SPDL1: variants seen among roughly 807,000 people sequenced by gnomAD.
The protein encoded by SPDL1 is protein Spindly.
Under a neutral mutation model 79.5 loss-of-function variants are expected in SPDL1, and 85 were observed. That is an observed-to-expected ratio of 1.07 (90% CI 0.90 to 1.28). The LOEUF is 1.28. SPDL1 is among the 50% of genes most tolerant of loss of function. The pLI is 0.00. For missense variants in SPDL1, 703 were observed against 697.8 expected, an observed-to-expected ratio of 1.01 and a Z score of -0.08; for synonymous variants, 269 against 240.3, an observed-to-expected ratio of 1.12 and a Z score of -1.10.
intron 8 of SPDL1, among the ~76,000 whole-genome samples, chr5:169,597,786 C>T (rs1221176591): frequency 2.0e-5 from 3 of 152,102 alleles, no homozygotes; most frequent in African/African-American, 4.8e-5. Context: ...ATTAAGTTTA[C>T]ATAACTTTAT....
At position 169,604,135 on chromosome 5, in the gene SPDL1, T is replaced by C. The variant is rs769256707; in HGVS notation, c.1746T>C (p.Thr582=). 3 of 1,613,370 alleles carry C rather than the reference T, an allele frequency of 1.9e-6. No homozygotes were observed. Among genetic ancestry groups the C allele is most frequent in the Non-Finnish European group, 1.7e-6 (2 of 1,179,780 alleles). ...CTTCAAGCAAATTGGAAAAAGAAAC[T>C]TGTAAGAAATTACACCCTATTCTAT... ...KETSSKLEKE[T]CKKLHPILYV... The change falls in exon 12 of 12, where the codon ACT becomes ACC. Residue 582 remains threonine (T), a synonymous_variant. Coordinates refer to ENST00000265295, the MANE Select transcript of SPDL1 (RefSeq NM_017785.5).
chr5:169,590,829 G>A (rs1755237506), intron 2 of SPDL1: 1 of 583,540 alleles, frequency 1.7e-6, no homozygotes, highest in South Asian at 1.5e-5. Flanking sequence ...GAAGCAGTAA[G>A]GTATCCCTTG....
intron 1 of SPDL1, among the ~76,000 whole-genome samples, chr5:169,587,015 C>A (rs935568701): frequency 6.6e-6 from 1 of 152,180 alleles, no homozygotes; most frequent in African/African-American, 2.4e-5. Context: ...TAAGGATTCC[C>A]CTCTTGCTGG....
chr5:169,601,906 A>G (rs1306626628), intron 11 of SPDL1: 2 of 472,726 alleles, frequency 4.2e-6, no homozygotes, highest in Non-Finnish European at 7.7e-6. Flanking sequence ...TGAATGTTTT[A>G]TCAGTTTGAA....
chr5:169,596,745 G>T, intron 8 of SPDL1, 44 bp downstream of exon 8: 1 of 1,489,736 alleles, frequency 6.7e-7, no homozygotes. Context: ...ATTTTGATTT[G>T]AATATCTTAA....
chr5:169,598,225 G>A (rs1755690849), intron 8 of SPDL1, among the ~76,000 whole-genome samples: 1 of 152,214 alleles, frequency 6.6e-6, no homozygotes, highest in East Asian at 1.9e-4. Context: ...CCTAGGCCTT[G>A]TAGTCAGATT....
chr5:169,588,708 C>G (rs1415383828), intron 2 of SPDL1, 133 bp downstream of exon 2: 8 of 703,424 alleles, frequency 1.1e-5, no homozygotes, highest in South Asian at 3.1e-5. Flanking sequence ...TGCCCCGTCC[C>G]TGTTAAAAAA....
chr5:169,585,201 C>T (rs142509058), intron 1 of SPDL1, among the ~76,000 whole-genome samples: 20 of 152,332 alleles, frequency 1.3e-4, no homozygotes, highest in Non-Finnish European at 2.5e-4. Flanking sequence ...CTTCTACGCG[C>T]TGCCCCCCAG....
Position 169,596,684 on chromosome 5 carries a change from A to T in SPDL1, c.1015A>T (p.Asn339Tyr), listed in dbSNP as rs147810277. ...AAAACATCTTTTAGGTGAAATTAGA[A>T]ATCTGGAGAAATTTAAGGTATGTAT... ...EIKHLLGEIR[N>Y]LEKFKNLYDS... The change falls in exon 8 of 12, where the codon AAT (asparagine) becomes TAT (tyrosine). Residue 339 changes from asparagine to tyrosine, a missense_variant. By Grantham distance (143) the Asn-to-Tyr change is moderately radical. Transcript: ENST00000265295. 6 of 1,595,698 alleles carry T rather than the reference A, an allele frequency of 3.8e-6. No individual in the cohort carries two copies. The highest frequency in any genetic ancestry group is 2.7e-5 in the African/African-American group (2 of 73,556).
chr5:169,584,788 G>C (rs1376188090), intron 1 of SPDL1, among the ~76,000 whole-genome samples: 1 of 152,188 alleles, frequency 6.6e-6, no homozygotes, highest in African/African-American at 2.4e-5. Flanking sequence ...GCCTCAGCTT[G>C]CATGTGTAAA....
intron 2 of SPDL1, among the ~76,000 whole-genome samples, chr5:169,589,694 T>C (rs559965412): frequency 6.6e-6 from 1 of 151,734 alleles, no homozygotes. Context: ...GATTCACTTT[T>C]TTTTTCTTTT....
In SPDL1 at chr5:169,593,748, G is replaced by C. The variant is rs182694079; in HGVS notation, c.531+200G>C. 4.2e-3 allele frequency among the ~76,000 whole-genome samples: 635 copies of C among 152,184 alleles called. 1 individual carries two copies. The highest frequency in any genetic ancestry group is 0.014 in the Middle Eastern group (4 of 294). On this transcript the variant is annotated intron_variant, in intron 4 of 11. Transcript: ENST00000265295. ...ATATAGCTTTAGACTATATGATTAT[G>C]TAAGGCAGCCTTTCTCTTAGATTAA...
intron 11 of SPDL1, among the ~76,000 whole-genome samples, chr5:169,603,609 A>C (rs1248959829): frequency 1.3e-5 from 2 of 152,170 alleles, no homozygotes. Flanking sequence ...TAATCCCGGC[A>C]CTTTGGGAGG....
At chr5:169,594,525 A>ATTTT (rs1755486496) in intron 6 of SPDL1, 33 bp downstream of exon 6, 1 of 1,611,748 alleles carries the variant, frequency 6.2e-7, no homozygotes, top group Non-Finnish European at 8.5e-7. Flanking sequence ...CTAAATTGGT[A>ATTTT]TTTTCATTTA....
rs1027200892 is a variant in SPDL1 at position 169,591,323 on chromosome 5, A to G, written c.336+99A>G. Reference sequence around the variant, plus strand: ...GATTTTCTTAAGTGTCAGCTTTGCAAAATAGCCAAGATCTAAGTCTTCATT... The same window carrying G: ...GATTTTCTTAAGTGTCAGCTTTGCAGAATAGCCAAGATCTAAGTCTTCATT... On this transcript the variant is annotated intron_variant, in intron 3 of 11. Transcript: ENST00000265295. 132 of 1,244,558 alleles carry G rather than the reference A, an allele frequency of 1.1e-4. 1 individual carries two copies. Among genetic ancestry groups the G allele is most frequent in the Non-Finnish European group, 1.4e-4 (128 of 899,764 alleles). 77.1% of individuals were successfully genotyped at this position (1,244,558 alleles called of 1,614,324 possible). A position where few individuals can be genotyped will look rare whatever the true frequency, so the allele number is the denominator to read the frequency against.
At chr5:169,601,646 C>A in intron 11 of SPDL1, 21 bp downstream of exon 11, 1 of 1,605,062 alleles carries the variant, frequency 6.2e-7, no homozygotes, top group Non-Finnish European at 8.5e-7. Context: ...TCTTTTCCTC[C>A]AGGCAGCCAG....
chr5:169,590,947 T>C, intron 2 of SPDL1, 101 bp from the exon 3 acceptor site: 2 of 1,025,128 alleles, frequency 2.0e-6, no homozygotes, highest in Non-Finnish European at 3.0e-6. Context: ...AAGCAGCAAA[T>C]GCTTGAAATA....
intron 3 of SPDL1, among the ~76,000 whole-genome samples, chr5:169,591,937 T>C (rs1028482283): frequency 6.6e-6 from 1 of 152,220 alleles, no homozygotes; most frequent in Non-Finnish European, 1.5e-5. Flanking sequence ...AGCTAGCCAG[T>C]GCTTTCAGGT....
At chr5:169,584,968 C>T (rs1263160785) in intron 1 of SPDL1, among the ~76,000 whole-genome samples, 1 of 151,356 alleles carries the variant, frequency 6.6e-6, no homozygotes, top group Non-Finnish European at 1.5e-5. Context: ...CGAGATTGCG[C>T]CACTGCAGTC....
Sources: gnomAD v4.1 joint callset for allele counts (sites outside exome capture counted in the v4.1 genomes callset) on GRCh38, gnomAD v4.1.1 for gene constraint, MANE v1.5 for transcripts, NCBI Gene and HGNC (gene_info 2026-07-23, HGNC 2026-07-21) for gene names.